The following ARMH3 variants were observed in gnomAD, a reference collection of about 807,000 sequenced individuals.
ARMH3 encodes the protein armadillo-like helical domain-containing protein 3.
A neutral mutation model predicts 99.1 loss-of-function variants in ARMH3; 60 were observed. The ratio of observed to expected loss-of-function variants is 0.61; its 90% CI spans 0.49 to 0.75. ARMH3 has a LOEUF of 0.75. ARMH3 is among the 30% of genes least tolerant of loss of function. The pLI is 0.00. For missense variants in ARMH3, 679 were observed against 843.1 expected, an observed-to-expected ratio of 0.81 and a Z score of 2.41; for synonymous variants, 285 against 292.8, an observed-to-expected ratio of 0.97 and a Z score of 0.27.
At chr10:101,849,975 G>T in intron 24 of ARMH3, 83 bp from the exon 25 acceptor site, 2 of 1,276,052 alleles carry the variant, frequency 1.6e-6, no homozygotes, top group Non-Finnish European at 2.2e-6. Flanking sequence ...CTACTGGGTT[G>T]GGTTTGGTCT....
chr10:101,970,757 C>G (rs1324962021), intron 20 of ARMH3, among the ~76,000 whole-genome samples: 2 of 151,610 alleles, frequency 1.3e-5, no homozygotes, highest in African/African-American at 2.4e-5. Flanking sequence ...CCCAGGAGGT[C>G]GCGACTACAA....
intron 22 of ARMH3, among the ~76,000 whole-genome samples, chr10:101,946,276 T>TAA (rs975252061): frequency 1.3e-5 from 2 of 151,926 alleles, no homozygotes; most frequent in Non-Finnish European, 2.9e-5. Flanking sequence ...GAGGAAAAGG[T>TAA]AAACATACTT....
chr10:101,862,969 A>T (rs2066908266), intron 24 of ARMH3, among the ~76,000 whole-genome samples: 1 of 152,034 alleles, frequency 6.6e-6, no homozygotes, highest in Admixed American at 6.6e-5. Flanking sequence ...TTTGGGAGGC[A>T]GAGGCGGGTG....
chr10:101,902,963 C>T (rs1323791967), intron 23 of ARMH3, among the ~76,000 whole-genome samples: 3 of 152,144 alleles, frequency 2.0e-5, no homozygotes, highest in Non-Finnish European at 4.4e-5. Flanking sequence ...TTGGCTCTGG[C>T]AGATTGTCTC....
intron 22 of ARMH3, among the ~76,000 whole-genome samples, chr10:101,944,375 T>C (rs1382297041): frequency 7.1e-6 from 1 of 140,198 alleles, no homozygotes; most frequent in Non-Finnish European, 1.5e-5. Flanking sequence ...TTGAAGAAAT[T>C]ATAGCCAAAA....
At chr10:101,899,890 G>C (rs1215301539) in intron 23 of ARMH3, among the ~76,000 whole-genome samples, 1 of 151,894 alleles carries the variant, frequency 6.6e-6, no homozygotes, top group East Asian at 1.9e-4. Flanking sequence ...TTGACAACCA[G>C]CAAGAAGGAT....
rs138976666 is a variant in ARMH3, at chr10:102,021,165, C to T, written c.669+2312G>A. Among the ~76,000 whole-genome samples the T allele has an allele frequency of 1.3e-3, 198 of 152,236 alleles. 1 individual carries two copies. The highest frequency in any genetic ancestry group is 3.4e-3 in the Middle Eastern group (1 of 294). ...GACATCAGCTCACTGTAACCTCCAC[C>T]TCCTGGGCTCAAGCCTCCCTCCCAC... On this transcript the variant is annotated intron_variant, in intron 8 of 25. Transcript: ENST00000370033.
At chr10:101,921,903 C>T (rs1421595427) in intron 23 of ARMH3, among the ~76,000 whole-genome samples, 3 of 152,070 alleles carry the variant, frequency 2.0e-5, no homozygotes, top group Non-Finnish European at 4.4e-5. Context: ...AGAAGGAATA[C>T]GTTCTAATGT....
intron 1 of ARMH3, among the ~76,000 whole-genome samples, chr10:102,042,377 C>T (rs2067444701): frequency 2.6e-5 from 4 of 152,200 alleles, no homozygotes; most frequent in South Asian, 4.1e-4. Context: ...TGGGTTACAG[C>T]TAATCAATGT....
At position 101,846,908 on chromosome 10, in the gene ARMH3, C is replaced by A. The variant is rs1387801494; in HGVS notation, c.*620G>T. ...CCAGGAAGCGGAGGCTGCAGTAAAG[C>A]CGAGATCACGCCACTGCATTCCAGC... On this transcript the variant is annotated 3_prime_UTR_variant, in exon 26 of 26. Coordinates refer to ENST00000370033, the MANE Select transcript of ARMH3 (RefSeq NM_024541.3). 1 of 152,796 alleles carries A rather than the reference C, an allele frequency of 6.5e-6. No individual in the cohort carries two copies. Among genetic ancestry groups the A allele is most frequent in the East Asian group, 1.9e-4 (1 of 5,222 alleles). 9.5% of individuals were successfully genotyped at this position (152,796 alleles called of 1,614,324 possible).
chr10:101,944,745 C>CA lies in ARMH3; in HGVS notation c.1706-4808dup, dbSNP rs566320980. Among the ~76,000 whole-genome samples, 14 of 151,900 alleles carry CA rather than the reference C, an allele frequency of 9.2e-5. No homozygotes were observed. The East Asian group carries it at 1.7e-3, about 19-fold the overall frequency. The stretch of plus-strand genomic sequence containing the variant: ...ACAAGAATCGCTTGAACCCGGGAGA[C>CA]AGAGGTTGCAGTGAGCCCAGATGGC... On this transcript the variant is annotated intron_variant, in intron 22 of 25. Coordinates refer to ENST00000370033, the MANE Select transcript of ARMH3 (RefSeq NM_024541.3).
intron 19 of ARMH3, among the ~76,000 whole-genome samples, chr10:101,981,187 T>TG (rs1232297893): frequency 6.8e-6 from 1 of 148,128 alleles, no homozygotes; most frequent in Non-Finnish European, 1.5e-5. Context: ...GAAGAAATAA[T>TG]GAAAAAAAAA....
chr10:101,955,760 A>C (rs914357427), intron 22 of ARMH3, among the ~76,000 whole-genome samples: 1 of 152,208 alleles, frequency 6.6e-6, no homozygotes, highest in African/African-American at 2.4e-5. Context: ...GTGGTGAAGG[A>C]GACATGAGAG....
intron 23 of ARMH3, among the ~76,000 whole-genome samples, chr10:101,906,235 T>C (rs1842632113): frequency 6.6e-6 from 1 of 152,230 alleles, no homozygotes; most frequent in African/African-American, 2.4e-5. Context: ...TTGTTGTTTA[T>C]ACATCCTTGT....
At chr10:101,969,626 A>C (rs747052930) in intron 20 of ARMH3, among the ~76,000 whole-genome samples, 15 of 152,228 alleles carry the variant, frequency 9.9e-5, no homozygotes, top group Non-Finnish European at 1.8e-4. Flanking sequence ...CATTTTTCCC[A>C]GTAGATATCT....
intron 23 of ARMH3, among the ~76,000 whole-genome samples, chr10:101,916,886 T>C (rs1418265053): frequency 6.6e-6 from 1 of 152,186 alleles, no homozygotes; most frequent in African/African-American, 2.4e-5. Flanking sequence ...CTCTTGCCCT[T>C]AGACATCAGA....
At chr10:101,933,011 C>G (rs1484853952) in intron 23 of ARMH3, among the ~76,000 whole-genome samples, 1 of 152,060 alleles carries the variant, frequency 6.6e-6, no homozygotes, top group African/African-American at 2.4e-5. Context: ...ACGGTGAAAC[C>G]CCGTCTCTAC....
At chr10:101,892,525 A>G (rs1333087794) in intron 23 of ARMH3, among the ~76,000 whole-genome samples, 4 of 152,164 alleles carry the variant, frequency 2.6e-5, no homozygotes, top group Admixed American at 1.3e-4. Context: ...ATGAGCTAGC[A>G]TAACAAATCA....
intron 16 of ARMH3, 63 bp downstream of exon 16, chr10:101,995,234 G>A (rs1847001407): frequency 7.3e-6 from 10 of 1,377,976 alleles, no homozygotes; most frequent in Admixed American, 5.3e-5. Context: ...GGGGTGAGGG[G>A]AGGCAGGGAA....
Sources: gnomAD v4.1 joint callset for allele counts (sites outside exome capture counted in the v4.1 genomes callset) on GRCh38, gnomAD v4.1.1 for gene constraint, MANE v1.5 for transcripts, NCBI Gene and HGNC (gene_info 2026-07-23, HGNC 2026-07-21) for gene names.